MYO6: variants seen among roughly 807,000 people sequenced by gnomAD.
The protein encoded by MYO6 is myosin VI.
MYO6 carries 74 observed loss-of-function variants against 178.7 expected under a neutral mutation model. The observed-to-expected ratio is 0.41, with a 90% confidence interval of 0.34 to 0.50. MYO6 has a LOEUF of 0.50. MYO6 is among the 20% of genes least tolerant of loss of function. The pLI, the probability that MYO6 is intolerant of heterozygous loss-of-function variation, is 0.09. For missense variants in MYO6, 1,330 were observed against 1,547.4 expected (o/e 0.86, Z 2.36); for synonymous variants, 477 against 504.6 (o/e 0.95, Z 0.73).
chr6:75,883,748 A>G (rs532804635), intron 23 of MYO6, among the ~76,000 whole-genome samples: 30 of 152,322 alleles, frequency 2.0e-4, no homozygotes, highest in African/African-American at 7.2e-4. Context: ...GGAGCTGTGT[A>G]GGAATCAGTA....
intron 2 of MYO6, among the ~76,000 whole-genome samples, chr6:75,820,639 G>C (rs1395910847): frequency 6.6e-6 from 1 of 152,104 alleles, no homozygotes; most frequent in Non-Finnish European, 1.5e-5. Flanking sequence ...CCAAAGTACA[G>C]GGACTACAGG....
At chr6:75,755,892 G>C (rs951256661) in intron 1 of MYO6, among the ~76,000 whole-genome samples, 2 of 152,168 alleles carry the variant, frequency 1.3e-5, no homozygotes, top group Admixed American at 1.3e-4. Context: ...TAATCAACAG[G>C]GCTGACCCTA....
At chr6:75,829,760 G>A (rs1583211392) in intron 4 of MYO6, among the ~76,000 whole-genome samples, 1 of 152,052 alleles carries the variant, frequency 6.6e-6, no homozygotes, top group Non-Finnish European at 1.5e-5. Context: ...TCTAATATGT[G>A]CTAAATTCCA....
At chr6:75,757,264 T>C (rs1028288847) in intron 1 of MYO6, among the ~76,000 whole-genome samples, 7 of 148,748 alleles carry the variant, frequency 4.7e-5, no homozygotes, top group Admixed American at 1.3e-4. Flanking sequence ...TGTGTATATA[T>C]GTATATAGAC....
At chr6:75,902,468 T>C (rs1446291775) in intron 30 of MYO6, among the ~76,000 whole-genome samples, 10 of 152,272 alleles carry the variant, frequency 6.6e-5, no homozygotes, top group Admixed American at 2.0e-4. Flanking sequence ...GTGTATGTGT[T>C]GAGGAATTTA....
intron 20 of MYO6, among the ~76,000 whole-genome samples, chr6:75,876,142 T>C (rs1452340957): frequency 1.3e-5 from 2 of 152,208 alleles, no homozygotes; most frequent in Admixed American, 1.3e-4. Flanking sequence ...ATCTCAGCTC[T>C]GTCATCACTT....
chr6:75,850,820 C>T (rs1449701635), intron 11 of MYO6, among the ~76,000 whole-genome samples: 1 of 151,818 alleles, frequency 6.6e-6, no homozygotes, highest in Non-Finnish European at 1.5e-5. Flanking sequence ...GTACTTGTGT[C>T]TGGCACATAG....
chr6:75,838,052 TTC>T (rs1773824740), intron 7 of MYO6, among the ~76,000 whole-genome samples: 1 of 138,052 alleles, frequency 7.2e-6, no homozygotes, highest in African/African-American at 2.6e-5. Context: ...CTTCTATAGC[TTC>T]TTTTTTTTTT....
chr6:75,844,452 A>G (rs1395831225), intron 9 of MYO6, among the ~76,000 whole-genome samples: 2 of 152,174 alleles, frequency 1.3e-5, no homozygotes, highest in Non-Finnish European at 2.9e-5. Flanking sequence ...AAAAATTAAG[A>G]AAATCAAGGA....
At chr6:75,879,593 A>G (rs1286906703) in intron 20 of MYO6, among the ~76,000 whole-genome samples, 2 of 152,178 alleles carry the variant, frequency 1.3e-5, no homozygotes, top group Admixed American at 1.3e-4. Flanking sequence ...ATTTGCCTCT[A>G]GAAAAGAGTC....
At chr6:75,894,271 A>G (rs1779124428) in intron 28 of MYO6, among the ~76,000 whole-genome samples, 1 of 152,230 alleles carries the variant, frequency 6.6e-6, no homozygotes. Flanking sequence ...TGGATCGTTT[A>G]GGACCTTTAA....
intron 23 of MYO6, among the ~76,000 whole-genome samples, chr6:75,885,596 G>A (rs1313439537): frequency 6.6e-6 from 1 of 152,078 alleles, no homozygotes; most frequent in African/African-American, 2.4e-5. Flanking sequence ...ACAGGCGCCC[G>A]CCACCATGCC....
intron 1 of MYO6, among the ~76,000 whole-genome samples, chr6:75,769,986 T>C (rs1304047522): frequency 6.6e-6 from 1 of 152,150 alleles, no homozygotes; most frequent in Non-Finnish European, 1.5e-5. Flanking sequence ...TCATTCTCAC[T>C]TCTGGAGGGC....
Position 75,798,670 on chromosome 6 carries a change from C to G in MYO6, c.-47-18831C>G, listed in dbSNP as rs866623175. 3.3e-5 allele frequency among the ~76,000 whole-genome samples: 5 copies of G among 152,126 alleles called. No homozygotes were observed. The South Asian group carries it at 1.0e-3, about 32-fold the overall frequency. On this transcript the variant is annotated intron_variant, in intron 1 of 34. Coordinates refer to ENST00000369977, the MANE Select transcript of MYO6 (RefSeq NM_004999.4). ...AACCCATAGCCAACATTGGACTGAA[C>G]AGGCAAAAGCTGAAACTATTCTCCT...
intron 3 of MYO6, among the ~76,000 whole-genome samples, chr6:75,824,332 C>T (rs938643496): frequency 6.6e-6 from 1 of 152,234 alleles, no homozygotes; most frequent in African/African-American, 2.4e-5. Flanking sequence ...TGGGTGTTAA[C>T]TATTCTCATA....
chr6:75,901,066 G>A (rs1779734105), intron 30 of MYO6, among the ~76,000 whole-genome samples: 1 of 152,136 alleles, frequency 6.6e-6, no homozygotes, highest in South Asian at 2.1e-4. Context: ...TTATTTCTGA[G>A]GGCTCTGTTC....
intron 30 of MYO6, among the ~76,000 whole-genome samples, chr6:75,907,119 C>G (rs951027945): frequency 4.6e-5 from 7 of 152,310 alleles, no homozygotes; most frequent in African/African-American, 1.7e-4. Context: ...TTCTGAGCCA[C>G]TGTGTGTGAA....
intron 9 of MYO6, 30 bp from the exon 10 acceptor site, chr6:75,844,867 G>A (rs759246309): frequency 2.6e-6 from 4 of 1,527,350 alleles, no homozygotes; most frequent in Middle Eastern, 3.5e-4. Context: ...GATCATATAT[G>A]TTAATTATGT....
intron 30 of MYO6, among the ~76,000 whole-genome samples, chr6:75,906,282 G>C (rs986352913): frequency 2.6e-5 from 4 of 152,180 alleles, no homozygotes; most frequent in African/African-American, 7.2e-5. Context: ...CTGAGTGTCT[G>C]CTATTTGCAA....
Sources: gnomAD v4.1 joint callset for allele counts (sites outside exome capture counted in the v4.1 genomes callset) on GRCh38, gnomAD v4.1.1 for gene constraint, MANE v1.5 for transcripts, NCBI Gene and HGNC (gene_info 2026-07-23, HGNC 2026-07-21) for gene names.